The following ORM1 variants were observed in gnomAD, a reference collection of about 807,000 sequenced individuals.
ORM1 encodes the protein orosomucoid 1, also known as alpha-1-acid glycoprotein 1.
In ORM1, 13 loss-of-function variants were observed where a neutral mutation model predicts 26.9. The observed-to-expected ratio is 0.48, with a 90% CI of 0.31 to 0.77. The LOEUF (loss-of-function observed/expected upper bound fraction) is 0.77, where lower values mean the gene tolerates loss of function less well. ORM1 is among the 30% of genes least tolerant of loss of function. The pLI, the probability that ORM1 is intolerant of heterozygous loss-of-function variation, is 0.04. For synonymous variants in ORM1, 76 were observed against 102.2 expected (o/e 0.74, Z 1.55); for missense variants, 189 against 246.8 (o/e 0.77, Z 1.57).
Position 114,323,102 on chromosome 9 carries a change from C to T in ORM1, c.-32C>T. 1 of 1,212,706 alleles carries T rather than the reference C, an allele frequency of 8.2e-7. No homozygotes were observed. Among genetic ancestry groups the T allele is most frequent in the Non-Finnish European group, 1.1e-6 (1 of 883,374 alleles). The allele number at this position is 1,212,706 out of a possible 1,614,324, so 75.1% of individuals were successfully genotyped here. The stretch of plus-strand genomic sequence containing the variant: ...TGACTGCACCCTGCAGCCACCAGCA[C>T]TGCCTGGCTCCACGTGCCTCCTGGT... On this transcript the variant is annotated 5_prime_UTR_variant, in exon 1 of 6. Coordinates refer to ENST00000259396, the MANE Select transcript of ORM1 (RefSeq NM_000607.4).
intron 1 of ORM1, 75 bp from the exon 2 acceptor site, chr9:114,323,588 G>C: frequency 6.2e-7 from 1 of 1,606,640 alleles, no homozygotes; most frequent in African/African-American, 1.3e-5. Flanking sequence ...GGAGAGATCT[G>C]CCTGAGTCTC....
chr9:114,325,343 G>A lies in ORM1; in HGVS notation c.540+191G>A, dbSNP rs552484348. 498 of 532,932 alleles carry A rather than the reference G, an allele frequency of 9.3e-4. 6 individuals carry two copies. The East Asian group carries it at 0.015, about 16-fold the overall frequency. 33.0% of individuals were successfully genotyped at this position (532,932 alleles called of 1,614,324 possible). A position where few individuals can be genotyped will look rare whatever the true frequency, so the allele number is the denominator to read the frequency against. On this transcript the variant is annotated intron_variant, in intron 5 of 5. Coordinates refer to ENST00000259396, the MANE Select transcript of ORM1 (RefSeq NM_000607.4). ...AGGGGTGGTGGATGAGAGCCCAGGA[G>A]GGAGAAGTCCCTGTGAAACCAGGGA...
intron 3 of ORM1, 99 bp downstream of exon 3, chr9:114,324,187 G>C (rs191146515): frequency 9.1e-7 from 1 of 1,093,024 alleles, no homozygotes; most frequent in Admixed American, 1.7e-5. Flanking sequence ...TTTGGGCACA[G>C]AGAAATAACC....
chr9:114,323,471 G>A (rs550171652), intron 1 of ORM1, 192 bp from the exon 2 acceptor site: 4 of 898,712 alleles, frequency 4.5e-6, no homozygotes, highest in Non-Finnish European at 7.2e-6. Flanking sequence ...GGACGGTTCT[G>A]TGCTGGGCCT....
chr9:114,324,576 C>T (rs1275337496), intron 3 of ORM1, among the ~76,000 whole-genome samples: 2 of 152,158 alleles, frequency 1.3e-5, no homozygotes, highest in African/African-American at 4.8e-5. Context: ...CTGACAGCCA[C>T]GGTCTGTGTG....
rs929080310 is a variant in ORM1, at chr9:114,324,842, C to A, written c.381C>A (p.Thr127=). The A allele has an allele frequency of 1.9e-6, 3 of 1,614,104 alleles. No homozygotes were observed. In the African/African-American group the frequency reaches 4.0e-5, roughly 22 times the overall value. ...AHLLILRDTK[T]YMLAFDVNDE... Reference sequence around the variant, plus strand: ...TGCTGATCCTCAGGGACACCAAGACCTACATGCTTGCTTTTGACGTGAACG... The same window carrying A: ...TGCTGATCCTCAGGGACACCAAGACATACATGCTTGCTTTTGACGTGAACG... The change falls in exon 4 of 6, where the codon ACC becomes ACA. Residue 127 remains threonine (T), a synonymous_variant. Coordinates refer to ENST00000259396, the MANE Select transcript of ORM1 (RefSeq NM_000607.4).
rs1803077 is a variant in ORM1, at chr9:114,324,819, C to A, written c.358C>A (p.Leu120Met). The change falls in exon 4 of 6, where the codon CTG becomes ATG. Residue 120 changes from leucine to methionine, a missense_variant. Physicochemically the swap from Leu to Met is conservative, Grantham distance 15 (BLOSUM62 2). This residue lies in a region of ORM1 where 163 missense variants were observed against 157.7 expected (regional missense o/e 1.03). Coordinates refer to ENST00000259396, the MANE Select transcript of ORM1 (RefSeq NM_000607.4). ...VGGQEHFAHLLILRDTKTYML... is the reference protein window; with the variant it reads ...VGGQEHFAHLMILRDTKTYML... ...AGGCCAAGAGCATTTCGCTCACTTG[C>A]TGATCCTCAGGGACACCAAGACCTA... 16 of 1,614,110 alleles carry A rather than the reference C, an allele frequency of 9.9e-6. No homozygotes were observed. The highest frequency in any genetic ancestry group is 1.4e-5 in the Non-Finnish European group (16 of 1,179,960).
intron 1 of ORM1, 140 bp from the exon 2 acceptor site, chr9:114,323,523 G>T: frequency 8.3e-7 from 1 of 1,198,146 alleles, no homozygotes; most frequent in East Asian, 2.5e-5. Context: ...CTCAGGGTGA[G>T]CTCCTGCATG....
intron 1 of ORM1, 159 bp downstream of exon 1, chr9:114,323,406 T>C: frequency 1.1e-6 from 1 of 938,780 alleles, no homozygotes. Context: ...CAGGGGACTC[T>C]GGAGGCACCC....
intron 5 of ORM1, among the ~76,000 whole-genome samples, chr9:114,325,832 C>T (rs1175928711): frequency 1.3e-5 from 2 of 150,898 alleles, no homozygotes; most frequent in Non-Finnish European, 2.9e-5. Flanking sequence ...CTACCTCCTG[C>T]CCCCATCTGC....
chr9:114,324,851 T>C lies in ORM1; in HGVS notation c.390T>C (p.Leu130=). 1 of 1,614,166 alleles carries C rather than the reference T, an allele frequency of 6.2e-7. No homozygotes were observed. Among genetic ancestry groups the C allele is most frequent in the Non-Finnish European group, 8.5e-7 (1 of 1,180,022 alleles). Residue 130 remains leucine (L), a synonymous_variant, in exon 4 of 6, where the codon CTT becomes CTC. Coordinates refer to ENST00000259396, the MANE Select transcript of ORM1 (RefSeq NM_000607.4). ...LILRDTKTYM[L]AFDVNDEKNW... The stretch of plus-strand genomic sequence containing the variant: ...TCAGGGACACCAAGACCTACATGCT[T>C]GCTTTTGACGTGAACGATGAGAAGA...
At chr9:114,323,570 A>T (rs1428928517) in intron 1 of ORM1, 93 bp from the exon 2 acceptor site, 10 of 1,581,360 alleles carry the variant, frequency 6.3e-6, no homozygotes, top group Non-Finnish European at 8.7e-6. Context: ...CCCCATCTGC[A>T]AAATCAGGGA....
chr9:114,323,651 C>G lies in ORM1; in HGVS notation c.115-12C>G, dbSNP rs1391621137. On this transcript the variant is annotated splice_polypyrimidine_tract_variant and intron_variant, in intron 1 of 5. Transcript: ENST00000259396. ...ATCAAGCCCCCATCACCAGCTCCCA[C>G]CTTCTCCCCAGATCACTGGCAAGTG... The G allele has an allele frequency of 6.2e-7, 1 of 1,614,014 alleles. No individual in the cohort carries two copies. Among genetic ancestry groups the G allele is most frequent in the South Asian group, 1.1e-5 (1 of 91,066 alleles).
In ORM1 at chr9:114,325,124, C is replaced by T. The variant is rs772225083; in HGVS notation, c.512C>T (p.Ser171Leu). 5.0e-6 allele frequency: 8 copies of T among 1,613,902 alleles called. No homozygotes were observed. In the South Asian group the frequency reaches 7.7e-5, roughly 16 times the overall value. ...CTCGACTGCTTGCGCATTCCCAAGT[C>T]AGATGTCGTGTACACCGATTGGAAA... is the stretch of plus-strand genomic sequence containing the variant. ...EALDCLRIPK[S>L]DVVYTDWKKD... is the part of the protein sequence containing the mutation. Residue 171 changes from serine to leucine, a missense_variant, in exon 5 of 6, where the codon TCA becomes TTA. Physicochemically the swap from Ser to Leu is moderately radical, Grantham distance 145 (BLOSUM62 -2). Transcript: ENST00000259396.
At position 114,324,804 on chromosome 9, in the gene ORM1, C is replaced by A; in HGVS notation, c.343C>A (p.His115Asn). The A allele has an allele frequency of 6.2e-7, 1 of 1,613,916 alleles. No individual in the cohort carries two copies. Among genetic ancestry groups the A allele is most frequent in the Non-Finnish European group, 8.5e-7 (1 of 1,179,792 alleles). ...TISRYVGGQE[H>N]FAHLLILRDT... is the part of the protein sequence containing the mutation. ...TTCTCTTCCAGTGGGAGGCCAAGAG[C>A]ATTTCGCTCACTTGCTGATCCTCAG... Residue 115 changes from histidine (H) to asparagine (N), a missense_variant, in exon 4 of 6, where the codon CAT becomes AAT. Transcript: ENST00000259396.
rs141409090 is a variant in ORM1, at chr9:114,324,721, C to A, written c.329-69C>A. 8.5e-5 allele frequency: 111 copies of A among 1,309,088 alleles called. No individual in the cohort carries two copies. The African/African-American group carries it at 1.4e-3, about 16-fold the overall frequency. 81.1% of individuals were successfully genotyped at this position (1,309,088 alleles called of 1,614,324 possible). A position where few individuals can be genotyped will look rare whatever the true frequency, so the allele number is the denominator to read the frequency against. ...TGTGGCCACTGACACACCTAGGCCTCCTCACCTGTAAGACAGACACCATTG... is the reference window on the plus strand; with the variant it reads ...TGTGGCCACTGACACACCTAGGCCTACTCACCTGTAAGACAGACACCATTG... On this transcript the variant is annotated intron_variant, in intron 3 of 5. Transcript: ENST00000259396.
At position 114,324,803 on chromosome 9, in the gene ORM1, G is replaced by A. The variant is rs144062579; in HGVS notation, c.342G>A (p.Glu114=). 63 of 1,613,766 alleles carry A rather than the reference G, an allele frequency of 3.9e-5. No homozygotes were observed. The East Asian group carries it at 8.2e-4, about 21-fold the overall frequency. ...GTISRYVGGQ[E]HFAHLLILRD... is the part of the protein sequence containing the mutation. ...TTTCTCTTCCAGTGGGAGGCCAAGAGCATTTCGCTCACTTGCTGATCCTCA... is the reference window on the plus strand; with the variant it reads ...TTTCTCTTCCAGTGGGAGGCCAAGAACATTTCGCTCACTTGCTGATCCTCA... Residue 114 remains glutamate (E), a synonymous_variant, in exon 4 of 6, where the codon GAG becomes GAA. Coordinates refer to ENST00000259396, the MANE Select transcript of ORM1 (RefSeq NM_000607.4).
In ORM1 at chr9:114,325,160, C is replaced by T. The variant is rs754632658; in HGVS notation, c.540+8C>T. 1.5e-5 allele frequency: 25 copies of T among 1,613,272 alleles called. 1 individual carries two copies. In the South Asian group the frequency reaches 2.7e-4, roughly 18 times the overall value. On this transcript the variant is annotated splice_region_variant and intron_variant, in intron 5 of 5. Transcript: ENST00000259396. ...TACACCGATTGGAAAAAGGTAAACG[C>T]AAGGGATTGGACAGTGCCCACCTTG...
intron 4 of ORM1, 24 bp downstream of exon 4, chr9:114,324,921 A>T: frequency 6.2e-7 from 1 of 1,607,138 alleles, no homozygotes; most frequent in Non-Finnish European, 8.5e-7. Context: ...GCAGCCCCAA[A>T]CTCATGCCCC....
Sources: allele counts gnomAD v4.1 joint callset (sites outside exome capture counted in the v4.1 genomes callset), GRCh38; gene constraint gnomAD v4.1.1; regional missense constraint gnomAD v4.1.1; transcripts MANE v1.5; gene names NCBI Gene and HGNC (gene_info 2026-07-23, HGNC 2026-07-21).